Variants in TTC23 observed in about 807,000 individuals in gnomAD.
TTC23 encodes the protein tetratricopeptide repeat domain 23, also known as tetratricopeptide repeat protein 23.
TTC23 carries 58 observed loss-of-function variants against 55.1 expected under a neutral mutation model. The ratio of observed to expected loss-of-function variants is 1.05; its 90% CI spans 0.85 to 1.31. The LOEUF is 1.31. Ranked by LOEUF, TTC23 falls within the 50% of genes most tolerant of loss-of-function variation. The probability of loss-of-function intolerance (pLI) is 0.00; values close to 1 mark genes in which losing one functional copy is unlikely to be tolerated. For missense variants in TTC23, 516 were observed against 534.4 expected, an observed-to-expected ratio of 0.97 and a Z score of 0.34; for synonymous variants, 203 against 199.9, an observed-to-expected ratio of 1.02 and a Z score of -0.13.
intron 10 of TTC23, among the ~76,000 whole-genome samples, chr15:99,162,404 A>G (rs1211116011): frequency 6.6e-6 from 1 of 152,256 alleles, no homozygotes; most frequent in Non-Finnish European, 1.5e-5. Context: ...TATAACACAA[A>G]TATTTTTAAA....
chr15:99,202,122 C>A (rs1257820660), intron 8 of TTC23, among the ~76,000 whole-genome samples: 1 of 152,154 alleles, frequency 6.6e-6, no homozygotes, highest in Non-Finnish European at 1.5e-5. Flanking sequence ...ATATGGCCTA[C>A]AACATCTGAA....
intron 12 of TTC23, among the ~76,000 whole-genome samples, chr15:99,147,790 G>T (rs1019688546): frequency 4.6e-5 from 7 of 152,128 alleles, no homozygotes; most frequent in Non-Finnish European, 8.8e-5. Flanking sequence ...GACAAATGAG[G>T]CTCTACACAT....
At chr15:99,222,847 A>T (rs1356552215) in intron 5 of TTC23, among the ~76,000 whole-genome samples, 3 of 152,092 alleles carry the variant, frequency 2.0e-5, no homozygotes, top group African/African-American at 7.2e-5. Context: ...AATACAAAAA[A>T]TTAGCCAGGC....
intron 8 of TTC23, among the ~76,000 whole-genome samples, chr15:99,203,186 T>TA (rs1567473791): frequency 6.6e-6 from 1 of 151,972 alleles, no homozygotes; most frequent in Admixed American, 6.6e-5. Context: ...AATTGAACTT[T>TA]AAAAAAACAG....
intron 9 of TTC23, among the ~76,000 whole-genome samples, chr15:99,182,808 T>TA (rs1056170335): frequency 2.0e-5 from 3 of 147,752 alleles, no homozygotes; most frequent in South Asian, 2.2e-4. Context: ...TATCATTTTT[T>TA]AAAAAAAGTA....
At chr15:99,148,436 A>G (rs2069253462) in intron 12 of TTC23, 1 of 150,738 alleles carries the variant, frequency 6.6e-6, no homozygotes, top group African/African-American at 2.4e-5. Flanking sequence ...AATAAAAACT[A>G]CGTTCCAACT....
intron 9 of TTC23, among the ~76,000 whole-genome samples, chr15:99,187,780 C>T (rs1169628017): frequency 1.3e-5 from 2 of 151,860 alleles, no homozygotes; most frequent in Admixed American, 1.3e-4. Context: ...AAATAAAAAG[C>T]CACAATGAGA....
intron 1 of TTC23, among the ~76,000 whole-genome samples, chr15:99,246,901 G>A (rs770431800): frequency 1.8e-4 from 27 of 152,052 alleles, no homozygotes; most frequent in Admixed American, 7.2e-4. Flanking sequence ...CAGCCTGAGC[G>A]ACAAAGCGAG....
chr15:99,198,129 T>C (rs572242336), intron 9 of TTC23, among the ~76,000 whole-genome samples: 1 of 152,304 alleles, frequency 6.6e-6, no homozygotes, highest in Admixed American at 6.5e-5. Flanking sequence ...GCAATCACTG[T>C]GTGTAAGTGG....
intron 12 of TTC23, among the ~76,000 whole-genome samples, chr15:99,142,910 A>C (rs1426099237): frequency 6.6e-6 from 1 of 152,204 alleles, no homozygotes; most frequent in Non-Finnish European, 1.5e-5. Context: ...CAAGCCCTGA[A>C]GAGGGGCGCC....
intron 10 of TTC23, among the ~76,000 whole-genome samples, chr15:99,168,729 A>AG (rs1383841238): frequency 1.3e-5 from 2 of 152,182 alleles, no homozygotes; most frequent in Non-Finnish European, 2.9e-5. Flanking sequence ...CCCCAGCTAG[A>AG]GGGGTCAACG....
rs973700860 is a variant in TTC23 at position 99,200,192 on chromosome 15, C to T, written c.582-96G>A. On this transcript the variant is annotated intron_variant, in intron 8 of 13. Coordinates refer to ENST00000394132, the MANE Select transcript of TTC23 (RefSeq NM_001288615.3). ...TAGTTGGGATGTGACTCTTTGATCC[C>T]TGGTGTTCAGGTTCGTTTCCTTGCT... is the stretch of plus-strand genomic sequence containing the variant. The T allele has an allele frequency of 6.9e-6, 8 of 1,166,474 alleles. No homozygotes were observed. In the South Asian group the frequency reaches 1.2e-4, roughly 18 times the overall value. The allele number at this position is 1,166,474 out of a possible 1,614,324, so 72.3% of individuals were successfully genotyped here.
chr15:99,225,090 C>T (rs1248404539), intron 5 of TTC23, among the ~76,000 whole-genome samples: 1 of 152,152 alleles, frequency 6.6e-6, no homozygotes, highest in Non-Finnish European at 1.5e-5. Context: ...GTGAATCTGT[C>T]CCAACTACAG....
chr15:99,213,114 G>A (rs1239985838), intron 8 of TTC23, among the ~76,000 whole-genome samples: 1 of 151,846 alleles, frequency 6.6e-6, no homozygotes, highest in African/African-American at 2.4e-5. Flanking sequence ...ACCTACAGAA[G>A]TGCATAAATC....
chr15:99,143,302 T>G (rs2068458327), intron 12 of TTC23, among the ~76,000 whole-genome samples: 1 of 152,282 alleles, frequency 6.6e-6, no homozygotes, highest in Non-Finnish European at 1.5e-5. Context: ...TCTTCTTAGC[T>G]AAATTTACTT....
intron 12 of TTC23, among the ~76,000 whole-genome samples, chr15:99,143,185 A>G (rs1266801824): frequency 1.3e-5 from 2 of 152,266 alleles, no homozygotes; most frequent in African/African-American, 4.8e-5. Context: ...TTCCAAAGAT[A>G]GCTTTTTAAA....
At chr15:99,181,078 G>A (rs544362661) in intron 9 of TTC23, among the ~76,000 whole-genome samples, 1 of 152,336 alleles carries the variant, frequency 6.6e-6, no homozygotes, top group East Asian at 1.9e-4. Context: ...CCAATTTACA[G>A]AAGGGGAAAT....
At chr15:99,149,715 GC>G (rs2069444708) in intron 12 of TTC23, among the ~76,000 whole-genome samples, 1 of 152,236 alleles carries the variant, frequency 6.6e-6, no homozygotes, top group Non-Finnish European at 1.5e-5. Flanking sequence ...GGAGCCTCAG[GC>G]CCCTTCTCTG....
intron 4 of TTC23, among the ~76,000 whole-genome samples, chr15:99,231,219 T>C (rs1032873959): frequency 5.9e-5 from 9 of 152,256 alleles, no homozygotes; most frequent in Non-Finnish European, 1.2e-4. Flanking sequence ...TGACTGTTAC[T>C]GGTTTATATA....
Sources: gnomAD v4.1 joint callset for allele counts (sites outside exome capture counted in the v4.1 genomes callset) on GRCh38, gnomAD v4.1.1 for gene constraint, MANE v1.5 for transcripts, NCBI Gene and HGNC (gene_info 2026-07-23, HGNC 2026-07-21) for gene names.